Variants in PRKCA observed in about 807,000 individuals in gnomAD.
The protein encoded by PRKCA is protein kinase C alpha type.
Under a neutral mutation model 87.0 loss-of-function variants are expected in PRKCA, and 27 were observed. That is an observed-to-expected ratio of 0.31 (90% confidence interval 0.23 to 0.43). PRKCA has a LOEUF of 0.43. Ranked by LOEUF, PRKCA falls within the 20% of genes least tolerant of loss-of-function variation. The pLI is 1.00. For synonymous variants in PRKCA, 329 were observed against 311.1 expected (o/e 1.06, Z -0.61); for missense variants, 518 against 852.3 (o/e 0.61, Z 4.88).
intron 3 of PRKCA, among the ~76,000 whole-genome samples, chr17:66,605,346 A>G (rs1970174507): frequency 1.3e-5 from 2 of 152,188 alleles, no homozygotes; most frequent in Admixed American, 1.3e-4. Context: ...TTAGAACATG[A>G]TTTCCATGTT....
intron 8 of PRKCA, among the ~76,000 whole-genome samples, chr17:66,722,674 A>G (rs1271169323): frequency 1.3e-5 from 2 of 152,208 alleles, no homozygotes; most frequent in Admixed American, 6.5e-5. Context: ...TCAAATGAGG[A>G]GGGAACACTG....
At chr17:66,644,413 CCTT>C (rs1421567947) in intron 4 of PRKCA, among the ~76,000 whole-genome samples, 1 of 152,150 alleles carries the variant, frequency 6.6e-6, no homozygotes, top group African/African-American at 2.4e-5. Context: ...GGCCTTCCCT[CCTT>C]CTGGAAGCCT....
At position 66,803,261 on chromosome 17, in the gene PRKCA, G is replaced by C. The variant is rs184827816; in HGVS notation, c.1855-612G>C. ...CCCAGCCTGCCCGCTGGCCAGCTCT[G>C]TCTAGGTGTGCTAAATCCTAGCTGG... is the stretch of plus-strand genomic sequence containing the variant. On this transcript the variant is annotated intron_variant, in intron 16 of 16. Transcript: ENST00000413366. The surrounding 1 kb of genome is among the most constrained non-coding windows in gnomAD (Gnocchi z 4.4). Among the ~76,000 whole-genome samples, 3 of 152,254 alleles carry C rather than the reference G, an allele frequency of 2.0e-5. No individual in the cohort carries two copies. Among genetic ancestry groups the C allele is most frequent in the African/African-American group, 7.2e-5 (3 of 41,548 alleles).
At chr17:66,336,838 G>T (rs1018961990) in intron 2 of PRKCA, among the ~76,000 whole-genome samples, 2 of 151,110 alleles carry the variant, frequency 1.3e-5, no homozygotes, top group African/African-American at 4.9e-5. Context: ...GCCCAGGCTG[G>T]AGTGCAGTGG....
At chr17:66,457,668 G>C (rs1334333980) in intron 2 of PRKCA, among the ~76,000 whole-genome samples, 1 of 152,040 alleles carries the variant, frequency 6.6e-6, no homozygotes, top group Non-Finnish European at 1.5e-5. Context: ...GAGATTTGAT[G>C]GTTCTATAAG....
At chr17:66,588,635 C>CTTTTTTTTTTTT (rs397856363) in intron 3 of PRKCA, among the ~76,000 whole-genome samples, 3 of 39,108 alleles carry the variant, frequency 7.7e-5, no homozygotes, top group African/African-American at 2.3e-4. Flanking sequence ...TTTTGCTTTG[C>CTTTTTTTTTTTT]TTTTTTTTTT....
At chr17:66,536,605 G>A (rs1459806653) in intron 3 of PRKCA, among the ~76,000 whole-genome samples, 4 of 152,190 alleles carry the variant, frequency 2.6e-5, no homozygotes, top group African/African-American at 9.7e-5. Context: ...ACCCCTCTGA[G>A]CTGCAGAAGG....
intron 2 of PRKCA, among the ~76,000 whole-genome samples, chr17:66,480,535 G>C (rs921222303): frequency 6.6e-6 from 1 of 152,150 alleles, no homozygotes; most frequent in East Asian, 1.9e-4. Context: ...GAAAGTTTCC[G>C]CATGTATTTG....
intron 2 of PRKCA, among the ~76,000 whole-genome samples, chr17:66,421,832 C>A (rs1025211424): frequency 1.3e-5 from 2 of 152,058 alleles, no homozygotes; most frequent in African/African-American, 4.8e-5. Context: ...TGTGAACCAC[C>A]ATGCCTGGCC....
chr17:66,459,471 C>T (rs897407847), intron 2 of PRKCA, among the ~76,000 whole-genome samples: 13 of 152,192 alleles, frequency 8.5e-5, no homozygotes, highest in Admixed American at 2.6e-4. Flanking sequence ...ATAGTAGAAT[C>T]CCTCAGAAAT....
rs369816680 is a variant in PRKCA at position 66,702,111 on chromosome 17, AT to A, written c.918+13065del. 1.4e-3 allele frequency among the ~76,000 whole-genome samples: 217 copies of A among 152,246 alleles called. 1 individual carries two copies. Among genetic ancestry groups the A allele is most frequent in the African/African-American group, 4.9e-3 (205 of 41,554 alleles). On this transcript the variant is annotated intron_variant, in intron 8 of 16. Coordinates refer to ENST00000413366, the MANE Select transcript of PRKCA (RefSeq NM_002737.3). Reference sequence around the variant, plus strand: ...TAAAGAAAATGTCTGTCACATACATATCTCATTTATGTGTGTGCATATTCAT... The same window carrying A: ...TAAAGAAAATGTCTGTCACATACATACTCATTTATGTGTGTGCATATTCAT...
chr17:66,589,967 A>G (rs938211199), intron 3 of PRKCA, among the ~76,000 whole-genome samples: 5 of 152,160 alleles, frequency 3.3e-5, no homozygotes, highest in Non-Finnish European at 7.4e-5. Context: ...TGCTCCTATG[A>G]GAATCTCATG....
At chr17:66,502,295 C>T (rs1039267371) in intron 3 of PRKCA, among the ~76,000 whole-genome samples, 14 of 149,004 alleles carry the variant, frequency 9.4e-5, no homozygotes, top group African/African-American at 3.0e-4. Context: ...AGTGCAGTGG[C>T]GCGATCTTGG....
chr17:66,573,215 T>C (rs2143405558), intron 3 of PRKCA, among the ~76,000 whole-genome samples: 1 of 152,282 alleles, frequency 6.6e-6, no homozygotes, highest in East Asian at 1.9e-4. Context: ...CAGTTGTCAG[T>C]GGATAAAAGG....
chr17:66,456,800 T>C (rs773322952), intron 2 of PRKCA, among the ~76,000 whole-genome samples: 11 of 152,236 alleles, frequency 7.2e-5, no homozygotes, highest in Non-Finnish European at 1.6e-4. Context: ...ATTTCTGTCC[T>C]GACTGTAGCT....
intron 2 of PRKCA, among the ~76,000 whole-genome samples, chr17:66,377,305 A>T (rs1909478346): frequency 6.6e-6 from 1 of 151,686 alleles, no homozygotes; most frequent in African/African-American, 2.4e-5. Flanking sequence ...GATTACAGGC[A>T]TGAGTCGCTG....
chr17:66,629,602 C>T (rs774097866), intron 3 of PRKCA, among the ~76,000 whole-genome samples: 1 of 152,172 alleles, frequency 6.6e-6, no homozygotes, highest in Admixed American at 6.5e-5. Flanking sequence ...TTAGATGCTT[C>T]TTGTATTCCT....
At chr17:66,717,498 C>G (rs1375957538) in intron 8 of PRKCA, among the ~76,000 whole-genome samples, 1 of 152,228 alleles carries the variant, frequency 6.6e-6, no homozygotes, top group Admixed American at 6.5e-5. Context: ...TGGGCTCATT[C>G]TCCTCATCTG....
chr17:66,777,554 A>G (rs2144347054), intron 14 of PRKCA: 1 of 984,724 alleles, frequency 1.0e-6, no homozygotes, highest in East Asian at 1.1e-4. Flanking sequence ...TCTGCTCCTC[A>G]AGTTAATTTC....
Sources: allele counts gnomAD v4.1 joint callset (sites outside exome capture counted in the v4.1 genomes callset), GRCh38; gene constraint gnomAD v4.1.1; non-coding constraint Gnocchi (gnomAD v3.1); transcripts MANE v1.5; gene names NCBI Gene and HGNC (gene_info 2026-07-23, HGNC 2026-07-21).